RGS7: variants seen among roughly 807,000 people sequenced by gnomAD.
RGS7 encodes regulator of G-protein signaling 7.
A neutral mutation model predicts 81.1 loss-of-function variants in RGS7; 27 were observed. That is an observed-to-expected ratio of 0.33 (90% CI 0.25 to 0.46). The LOEUF (loss-of-function observed/expected upper bound fraction) is 0.46. RGS7 is among the 20% of genes least tolerant of loss of function. The pLI is 1.00. For missense variants in RGS7, 396 were observed against 607.4 expected (o/e 0.65, Z 3.66); for synonymous variants, 208 against 207.7 (o/e 1.00, Z -0.01).
chr1:241,037,677 C>T (rs543221316), intron 3 of RGS7, among the ~76,000 whole-genome samples: 2 of 149,274 alleles, frequency 1.3e-5, no homozygotes, highest in South Asian at 2.1e-4. Context: ...GCCGAGATCA[C>T]GCCATTGCAC....
chr1:240,955,779 C>A (rs2502434), intron 4 of RGS7, among the ~76,000 whole-genome samples: 151,239 of 152,292 alleles, frequency 0.99, 75,109 homozygotes, highest in Middle Eastern at 1. Flanking sequence ...GTTTTTCATC[C>A]TTATTTGTTG....
In RGS7 at chr1:241,158,009, A is replaced by G. The variant is rs555536531; in HGVS notation, c.79-59247T>C. Among the ~76,000 whole-genome samples, 600 of 151,220 alleles carry G rather than the reference A, an allele frequency of 4.0e-3. 5 individuals carry two copies. Among genetic ancestry groups the G allele is most frequent in the Non-Finnish European group, 5.1e-3 (346 of 67,844 alleles). On this transcript the variant is annotated intron_variant, in intron 2 of 18. Coordinates refer to ENST00000440928, the MANE Select transcript of RGS7 (RefSeq NM_001364886.1). Reference sequence around the variant, plus strand: ...TTTTTTTTTTTAATTTTTAGTAGAGACAGGGTTTCACCGTGTTAGCCAGGA... The same window carrying G: ...TTTTTTTTTTTAATTTTTAGTAGAGGCAGGGTTTCACCGTGTTAGCCAGGA...
At position 241,276,480 on chromosome 1, in the gene RGS7, T is replaced by C. The variant is rs1177519422; in HGVS notation, c.78+79219A>G. ...AGAGTAGGAAATGGCTTAGAAGTGA[T>C]AGTTTTATTTCCAATTCTCAATTCC... On this transcript the variant is annotated intron_variant, in intron 2 of 18. Coordinates refer to ENST00000440928, the MANE Select transcript of RGS7 (RefSeq NM_001364886.1). Among the ~76,000 whole-genome samples, 3 of 152,244 alleles carry C rather than the reference T, an allele frequency of 2.0e-5. No individual in the cohort carries two copies. The East Asian group carries it at 5.8e-4, about 29-fold the overall frequency.
At chr1:240,816,956 C>A (rs1308240508) in intron 10 of RGS7, among the ~76,000 whole-genome samples, 6 of 152,194 alleles carry the variant, frequency 3.9e-5, no homozygotes, top group Admixed American at 3.9e-4. Context: ...GGGTTATTTA[C>A]TTCACAACAC....
chr1:241,088,294 T>A (rs1323967270), intron 3 of RGS7, among the ~76,000 whole-genome samples: 2 of 151,930 alleles, frequency 1.3e-5, no homozygotes, highest in Non-Finnish European at 2.9e-5. Flanking sequence ...AGGGAGGGAC[T>A]GATCCAGGAT....
chr1:240,832,496 G>A (rs867349537), intron 9 of RGS7, among the ~76,000 whole-genome samples: 1 of 152,342 alleles, frequency 6.6e-6, no homozygotes. Context: ...TAACATTTAC[G>A]TGAGTGTCCT....
intron 3 of RGS7, among the ~76,000 whole-genome samples, chr1:241,009,537 T>A (rs1381747421): frequency 1.3e-5 from 2 of 151,894 alleles, no homozygotes; most frequent in Admixed American, 6.6e-5. Flanking sequence ...GGTGAAGGAG[T>A]CTATAGTGAC....
intron 2 of RGS7, among the ~76,000 whole-genome samples, chr1:241,337,748 G>C (rs1385210839): frequency 6.6e-6 from 1 of 152,164 alleles, no homozygotes; most frequent in East Asian, 1.9e-4. Context: ...TGGTGCCAAT[G>C]CTCCTCTGAC....
At chr1:240,847,228 T>C (rs565083687) in intron 9 of RGS7, among the ~76,000 whole-genome samples, 1 of 152,350 alleles carries the variant, frequency 6.6e-6, no homozygotes, top group East Asian at 1.9e-4. Flanking sequence ...TAAAATAACT[T>C]CAGCTACCAA....
chr1:241,272,291 C>A (rs1012753049), intron 2 of RGS7, among the ~76,000 whole-genome samples: 2 of 152,156 alleles, frequency 1.3e-5, no homozygotes, highest in Non-Finnish European at 2.9e-5. Context: ...CTGTGCCCGG[C>A]CTGACTACTA....
chr1:241,154,789 C>G (rs2068995159), intron 2 of RGS7, among the ~76,000 whole-genome samples: 1 of 152,144 alleles, frequency 6.6e-6, no homozygotes, highest in African/African-American at 2.4e-5. Flanking sequence ...TTCAGGGTCA[C>G]TGGCTGACTT....
intron 3 of RGS7, among the ~76,000 whole-genome samples, chr1:241,056,354 C>G (rs1249951587): frequency 6.6e-6 from 1 of 152,168 alleles, no homozygotes; most frequent in Non-Finnish European, 1.5e-5. Context: ...ATCTTATCAC[C>G]CTGTTTCAGC....
At chr1:241,149,606 G>A (rs375402755) in intron 2 of RGS7, among the ~76,000 whole-genome samples, 12 of 152,088 alleles carry the variant, frequency 7.9e-5, no homozygotes, top group African/African-American at 2.9e-4. Flanking sequence ...GTAAATGGCT[G>A]GGCCATGTCC....
intron 2 of RGS7, among the ~76,000 whole-genome samples, chr1:241,320,042 G>A (rs1048599460): frequency 2.0e-5 from 3 of 152,182 alleles, no homozygotes; most frequent in African/African-American, 7.2e-5. Flanking sequence ...AGTGAGCTGA[G>A]ATTGTGCCAC....
chr1:240,922,540 T>A (rs2148308807), intron 6 of RGS7, among the ~76,000 whole-genome samples: 1 of 151,928 alleles, frequency 6.6e-6, no homozygotes, highest in Middle Eastern at 3.4e-3. Flanking sequence ...ACAACACAAT[T>A]AAAAAATCGG....
intron 2 of RGS7, among the ~76,000 whole-genome samples, chr1:241,287,726 C>T (rs1441084275): frequency 6.8e-6 from 1 of 146,240 alleles, no homozygotes; most frequent in East Asian, 2.1e-4. Context: ...CTACTTCACA[C>T]ACACACATTC....
At chr1:241,040,343 T>G (rs566451982) in intron 3 of RGS7, among the ~76,000 whole-genome samples, 2 of 152,274 alleles carry the variant, frequency 1.3e-5, no homozygotes, top group African/African-American at 4.8e-5. Context: ...CTAAATATAT[T>G]TGACATACAT....
intron 3 of RGS7, among the ~76,000 whole-genome samples, chr1:241,047,346 A>G (rs568794380): frequency 6.6e-6 from 1 of 152,014 alleles, no homozygotes; most frequent in Non-Finnish European, 1.5e-5. Flanking sequence ...TACTTGATCC[A>G]ACTCCCTTTC....
chr1:240,884,222 C>T (rs1343834742), intron 6 of RGS7, among the ~76,000 whole-genome samples: 2 of 151,806 alleles, frequency 1.3e-5, no homozygotes, highest in Non-Finnish European at 2.9e-5. Context: ...AGTTATAGTG[C>T]TGTTGCCTGT....
Sources: allele counts gnomAD v4.1 joint callset (sites outside exome capture counted in the v4.1 genomes callset), GRCh38; gene constraint gnomAD v4.1.1; transcripts MANE v1.5; gene names NCBI Gene and HGNC (gene_info 2026-07-23, HGNC 2026-07-21).